MBOAT1: variants seen among roughly 807,000 people sequenced by gnomAD.
The protein encoded by MBOAT1 is membrane bound glycerophospholipid O-acyltransferase 1.
A neutral mutation model predicts 64.4 loss-of-function variants in MBOAT1; 67 were observed. That is an observed-to-expected ratio of 1.04 (90% CI 0.85 to 1.27). MBOAT1 has a LOEUF of 1.27. MBOAT1 is among the 50% of genes most tolerant of loss of function. The pLI is 0.00. For synonymous variants in MBOAT1, 229 were observed against 218.9 expected, an observed-to-expected ratio of 1.05 and a Z score of -0.41; for missense variants, 563 against 604.6, an observed-to-expected ratio of 0.93 and a Z score of 0.72.
At chr6:20,174,312 T>C (rs148488587) in intron 1 of MBOAT1, among the ~76,000 whole-genome samples, 7 of 152,172 alleles carry the variant, frequency 4.6e-5, no homozygotes, top group East Asian at 3.9e-4. Flanking sequence ...CATCATAGAG[T>C]GTACTTAAAT....
chr6:20,112,482 T>C (rs1760198241), intron 11 of MBOAT1, among the ~76,000 whole-genome samples: 1 of 152,156 alleles, frequency 6.6e-6, no homozygotes, highest in Admixed American at 6.5e-5. Context: ...CTCGGGGCAA[T>C]GAAATGAGAA....
chr6:20,174,035 C>T (rs1469113990), intron 1 of MBOAT1, among the ~76,000 whole-genome samples: 1 of 152,120 alleles, frequency 6.6e-6, no homozygotes, highest in Non-Finnish European at 1.5e-5. Flanking sequence ...GATGTGGTAA[C>T]AGTTGGTTCC....
chr6:20,105,274 C>T (rs1482902273), intron 12 of MBOAT1, among the ~76,000 whole-genome samples: 1 of 152,176 alleles, frequency 6.6e-6, no homozygotes, highest in Non-Finnish European at 1.5e-5. Context: ...GTGGAAAACA[C>T]CTAGTAAGGT....
intron 4 of MBOAT1, among the ~76,000 whole-genome samples, chr6:20,139,605 G>C (rs866592499): frequency 7.8e-6 from 1 of 128,418 alleles, no homozygotes; most frequent in African/African-American, 3.0e-5. Flanking sequence ...CCCAGGTGGA[G>C]TACAGTGGCA....
intron 1 of MBOAT1, among the ~76,000 whole-genome samples, chr6:20,164,115 G>A (rs1003054668): frequency 6.6e-6 from 1 of 150,868 alleles, no homozygotes; most frequent in Non-Finnish European, 1.5e-5. Flanking sequence ...TATAATGTGT[G>A]TGTATAAAAT....
intron 1 of MBOAT1, among the ~76,000 whole-genome samples, chr6:20,154,591 A>C (rs533386991): frequency 6.6e-6 from 1 of 152,242 alleles, no homozygotes; most frequent in East Asian, 1.9e-4. Context: ...ACCTTATTGA[A>C]TTTCACCTTT....
chr6:20,153,818 T>G (rs1207446757), intron 1 of MBOAT1, among the ~76,000 whole-genome samples: 1 of 152,146 alleles, frequency 6.6e-6, no homozygotes, highest in East Asian at 1.9e-4. Context: ...AAACATTTCC[T>G]GAAATCTATA....
chr6:20,168,607 A>AG (rs765879696), intron 1 of MBOAT1, among the ~76,000 whole-genome samples: 1 of 21,040 alleles, frequency 4.8e-5, no homozygotes, highest in Non-Finnish European at 1.5e-4. Context: ...AAGAGAGAAG[A>AG]GAAGAGAAGA....
chr6:20,200,298 T>C (rs1253115273), intron 1 of MBOAT1, among the ~76,000 whole-genome samples: 1 of 152,218 alleles, frequency 6.6e-6, no homozygotes, highest in Non-Finnish European at 1.5e-5. Flanking sequence ...ACGATCTTTT[T>C]AGCTAAGTCT....
At chr6:20,149,896 A>G (rs918997524) in intron 3 of MBOAT1, among the ~76,000 whole-genome samples, 7 of 152,252 alleles carry the variant, frequency 4.6e-5, no homozygotes, top group Admixed American at 1.3e-4. Context: ...CTTTTCAGAG[A>G]GGCCGTCAGA....
intron 12 of MBOAT1, among the ~76,000 whole-genome samples, chr6:20,109,391 T>C (rs1760054255): frequency 6.6e-6 from 1 of 152,232 alleles, no homozygotes; most frequent in Admixed American, 6.5e-5. Flanking sequence ...AAGGGATTCC[T>C]GTCAACAGTG....
intron 7 of MBOAT1, among the ~76,000 whole-genome samples, chr6:20,125,717 G>T (rs1325431848): frequency 6.6e-6 from 1 of 152,182 alleles, no homozygotes; most frequent in Non-Finnish European, 1.5e-5. Context: ...CAACCATAAA[G>T]TGCTGAGAAC....
chr6:20,177,913 C>A (rs183741099), intron 1 of MBOAT1, among the ~76,000 whole-genome samples: 72 of 152,272 alleles, frequency 4.7e-4, no homozygotes, highest in South Asian at 8.3e-4. Context: ...ACCCCTGCCA[C>A]CTCACTTCCC....
At chr6:20,209,039 G>A (rs1017339569) in intron 1 of MBOAT1, among the ~76,000 whole-genome samples, 5 of 152,178 alleles carry the variant, frequency 3.3e-5, no homozygotes, top group African/African-American at 1.2e-4. Flanking sequence ...AGGAGCAGAT[G>A]ATTCCTTGAT....
At position 20,152,339 on chromosome 6, in the gene MBOAT1, T is replaced by TA. The variant is rs67093680; in HGVS notation, c.245+284dup. ...GAGACTCCGTCTCAAAAAAAAAAAA[T>TA]AAAAAATAAATAAATAAATAAATAA... On this transcript the variant is annotated intron_variant, in intron 2 of 12. Coordinates refer to ENST00000324607, the MANE Select transcript of MBOAT1 (RefSeq NM_001080480.3). 6.5e-3 allele frequency among the ~76,000 whole-genome samples: 878 copies of TA among 136,040 alleles called. 8 individuals carry two copies. Among genetic ancestry groups the TA allele is most frequent in the African/African-American group, 0.023 (826 of 36,084 alleles). The allele number at this position is 136,040 out of a possible 152,430, so 89.2% of individuals were successfully genotyped here.
chr6:20,145,961 C>T (rs915532876), intron 3 of MBOAT1, among the ~76,000 whole-genome samples: 7 of 152,200 alleles, frequency 4.6e-5, no homozygotes, highest in African/African-American at 1.7e-4. Context: ...GTATTACATG[C>T]TAACACACAT....
chr6:20,182,880 G>A (rs573001504), intron 1 of MBOAT1, among the ~76,000 whole-genome samples: 1 of 152,214 alleles, frequency 6.6e-6, no homozygotes, highest in African/African-American at 2.4e-5. Context: ...ACTCATAGGA[G>A]GGGGTGACAA....
At chr6:20,174,895 G>T (rs1254429156) in intron 1 of MBOAT1, among the ~76,000 whole-genome samples, 1 of 152,158 alleles carries the variant, frequency 6.6e-6, no homozygotes, top group Admixed American at 6.6e-5. Context: ...ACTTCTTAAA[G>T]TTCTTTGTTA....
At position 20,122,381 on chromosome 6, in the gene MBOAT1, A is replaced by G. The variant is rs570139391; in HGVS notation, c.907+2027T>C. On this transcript the variant is annotated intron_variant, in intron 8 of 12. Transcript: ENST00000324607. ...CCTCCCACTGGGACACTGCTTGAAG[A>G]GTATTGCCTGGTGGCTGTATGTCTG... 4.6e-5 allele frequency among the ~76,000 whole-genome samples: 7 copies of G among 152,284 alleles called. No individual in the cohort carries two copies. The South Asian group carries it at 1.5e-3, about 32-fold the overall frequency.
Sources: gnomAD v4.1 joint callset for allele counts (sites outside exome capture counted in the v4.1 genomes callset) on GRCh38, gnomAD v4.1.1 for gene constraint, MANE v1.5 for transcripts, NCBI Gene and HGNC (gene_info 2026-07-23, HGNC 2026-07-21) for gene names.